AGAP1: variants seen among roughly 807,000 people sequenced by gnomAD.
The protein encoded by AGAP1 is arf-GAP with GTPase, ANK repeat and PH domain-containing protein 1.
AGAP1 carries 29 observed loss-of-function variants against 105.3 expected under a neutral mutation model. That is an observed-to-expected ratio of 0.28 (90% CI 0.21 to 0.38). The LOEUF is 0.38. AGAP1 is among the 10% of genes least tolerant of loss of function. AGAP1 has a pLI of 1.00. For missense variants in AGAP1, 998 were observed against 1,165.1 expected (o/e 0.86, Z 2.09); for synonymous variants, 509 against 485.9 (o/e 1.05, Z -0.63).
At chr2:235,923,645 T>A (rs1239245958) in intron 11 of AGAP1, among the ~76,000 whole-genome samples, 1 of 152,150 alleles carries the variant, frequency 6.6e-6, no homozygotes, top group Non-Finnish European at 1.5e-5. Context: ...GTGTTCTGTG[T>A]GTGATGTCAC....
At chr2:235,839,331 G>A (rs113592642) in intron 9 of AGAP1, among the ~76,000 whole-genome samples, 15 of 152,290 alleles carry the variant, frequency 9.8e-5, no homozygotes, top group South Asian at 2.1e-4. Flanking sequence ...ACATACACAC[G>A]CACACACTCC....
chr2:235,630,428 C>A (rs961656980), intron 1 of AGAP1, among the ~76,000 whole-genome samples: 12 of 152,168 alleles, frequency 7.9e-5, no homozygotes, highest in African/African-American at 2.7e-4. Flanking sequence ...TCAGGCTGGT[C>A]TCGAACTCCT....
chr2:235,650,351 G>T (rs894805980), intron 1 of AGAP1, among the ~76,000 whole-genome samples: 1 of 152,172 alleles, frequency 6.6e-6, no homozygotes, highest in Non-Finnish European at 1.5e-5. Context: ...CACAGAGTGA[G>T]TTCTGGGAGT....
At chr2:236,021,088 C>G (rs574589483) in intron 13 of AGAP1, among the ~76,000 whole-genome samples, 1 of 151,404 alleles carries the variant, frequency 6.6e-6, no homozygotes, top group South Asian at 2.1e-4. Flanking sequence ...ATCTCTTGAA[C>G]CAGGGAGGCA....
At chr2:236,028,443 A>T (rs2057122748) in intron 13 of AGAP1, among the ~76,000 whole-genome samples, 1 of 152,200 alleles carries the variant, frequency 6.6e-6, no homozygotes, top group Admixed American at 6.5e-5. Context: ...CTCATTCACA[A>T]GTCTTTGTAT....
At chr2:235,641,591 C>T (rs1947199273) in intron 1 of AGAP1, among the ~76,000 whole-genome samples, 1 of 152,240 alleles carries the variant, frequency 6.6e-6, no homozygotes, top group Non-Finnish European at 1.5e-5. Flanking sequence ...GGCTGTGCCT[C>T]TCACTCAGAA....
At chr2:236,064,884 C>T (rs2058304004) in intron 16 of AGAP1, among the ~76,000 whole-genome samples, 1 of 152,196 alleles carries the variant, frequency 6.6e-6, no homozygotes, top group African/African-American at 2.4e-5. Flanking sequence ...CAAGAATAAT[C>T]ACCTGTTCTG....
At chr2:235,694,660 A>G (rs577574446) in intron 1 of AGAP1, among the ~76,000 whole-genome samples, 1 of 151,954 alleles carries the variant, frequency 6.6e-6, no homozygotes, top group African/African-American at 2.4e-5. Flanking sequence ...GGAGAAAAAA[A>G]AAAAGAAAAA....
rs1441564680 is a variant in AGAP1, at chr2:236,003,548, A to G, written c.1646-33013A>G. On this transcript the variant is annotated intron_variant, in intron 13 of 17. Coordinates refer to ENST00000304032, the MANE Select transcript of AGAP1 (RefSeq NM_001037131.3). The surrounding 1 kb of genome is among the most constrained non-coding windows in gnomAD (Gnocchi z 4.2). Reference sequence around the variant, plus strand: ...TGGCCCAGAGCCCAGAGTCACCCGCAGCCCCCCTGCGCTGCTGCTGCCCGC... The same window carrying G: ...TGGCCCAGAGCCCAGAGTCACCCGCGGCCCCCCTGCGCTGCTGCTGCCCGC... Among the ~76,000 whole-genome samples the G allele has an allele frequency of 6.6e-6, 1 of 152,192 alleles. No homozygotes were observed. The highest frequency in any genetic ancestry group is 1.5e-5 in the Non-Finnish European group (1 of 68,028).
Position 235,662,167 on chromosome 2 carries a change from G to A in AGAP1, c.164-47012G>A, listed in dbSNP as rs1263659296. ...TCAGCTCCTTTAGGGTGGAGTGGCT[G>A]TAAGGCCGTGACCAGGAAAAAAGGG... On this transcript the variant is annotated intron_variant, in intron 1 of 17. Coordinates refer to ENST00000304032, the MANE Select transcript of AGAP1 (RefSeq NM_001037131.3). This position sits in a 1 kb window ranked among gnomAD's most constrained non-coding sequence, Gnocchi z 4.2. Among the ~76,000 whole-genome samples the A allele has an allele frequency of 2.0e-5, 3 of 152,180 alleles. No homozygotes were observed. The East Asian group carries it at 5.8e-4, about 29-fold the overall frequency.
In AGAP1 at chr2:235,571,932, TTGTG is replaced by T. The variant is rs141898525; in HGVS notation, c.163+77107_163+77110del. On this transcript the variant is annotated intron_variant, in intron 1 of 17. Transcript: ENST00000304032. The stretch of plus-strand genomic sequence containing the variant: ...TCTTTAAAGTTGTCTTGCCCACACT[TTGTG>T]TGTGTGTGTGTGTGTGTGTGTGTAT... Among the ~76,000 whole-genome samples, 312 of 103,650 alleles carry T rather than the reference TTGTG, an allele frequency of 3.0e-3. 2 individuals carry two copies. Among genetic ancestry groups the T allele is most frequent in the South Asian group, 4.7e-3 (11 of 2,360 alleles). The allele number at this position is 103,650 out of a possible 152,430, so 68.0% of individuals were successfully genotyped here. A position where few individuals can be genotyped will look rare whatever the true frequency, so the allele number is the denominator to read the frequency against.
intron 13 of AGAP1, among the ~76,000 whole-genome samples, chr2:236,026,124 C>T (rs1478780938): frequency 1.3e-5 from 2 of 152,228 alleles, no homozygotes; most frequent in East Asian, 1.9e-4. Flanking sequence ...GGCACCTGCA[C>T]CTGCACCTGT....
chr2:235,748,482 A>G (rs1452301490), intron 5 of AGAP1, among the ~76,000 whole-genome samples: 2 of 152,246 alleles, frequency 1.3e-5, no homozygotes, highest in African/African-American at 4.8e-5. Flanking sequence ...ACTAATCAGC[A>G]AGACAAGAAG....
rs1017551849 is a variant in AGAP1 at position 235,751,752 on chromosome 2, T to G, written c.673+1264T>G. On this transcript the variant is annotated intron_variant, in intron 6 of 17. Coordinates refer to ENST00000304032, the MANE Select transcript of AGAP1 (RefSeq NM_001037131.3). The surrounding 1 kb of genome is among the most constrained non-coding windows in gnomAD (Gnocchi z 5.3). ...TCTCTGCCTCTCAGATACTTACCTG[T>G]TTTTCAGCACGTTGGTCCTAGTTAC... Among the ~76,000 whole-genome samples, 1 of 152,142 alleles carries G rather than the reference T, an allele frequency of 6.6e-6. No homozygotes were observed. Among genetic ancestry groups the G allele is most frequent in the African/African-American group, 2.4e-5 (1 of 41,430 alleles).
chr2:235,675,082 G>A (rs927840415), intron 1 of AGAP1, among the ~76,000 whole-genome samples: 2 of 151,758 alleles, frequency 1.3e-5, no homozygotes, highest in African/African-American at 2.4e-5. Context: ...TGAGGACACA[G>A]CAATTAAATG....
chr2:235,795,327 A>C (rs75621760), intron 6 of AGAP1, among the ~76,000 whole-genome samples: 4,264 of 152,298 alleles, frequency 0.028, 167 homozygotes, highest in African/African-American at 0.091. Context: ...TGGGACATCA[A>C]GCAAATAGCA....
rs1346413354 is a variant in AGAP1 at position 236,045,913 on chromosome 2, C to T, written c.1892-3146C>T. 4 of 470,592 alleles carry T rather than the reference C, an allele frequency of 8.5e-6. No individual in the cohort carries two copies. The Admixed American group carries it at 9.4e-5, about 11-fold the overall frequency. The allele number at this position is 470,592 out of a possible 1,614,324, so 29.2% of individuals were successfully genotyped here. On this transcript the variant is annotated intron_variant, in intron 15 of 17. Coordinates refer to ENST00000304032, the MANE Select transcript of AGAP1 (RefSeq NM_001037131.3). The surrounding 1 kb of genome is among the most constrained non-coding windows in gnomAD (Gnocchi z 6.9). ...GCATGGGGCCCTGGAACACTGTGCC[C>T]CCGCCCCCTGCAACATTTTGGGTTT...
chr2:235,671,110 G>A, intron 1 of AGAP1: 1 of 1,244,304 alleles, frequency 8.0e-7, no homozygotes, highest in South Asian at 3.4e-5. Flanking sequence ...GTGGGGACTT[G>A]CCGGTTCCGC....
intron 6 of AGAP1, among the ~76,000 whole-genome samples, chr2:235,796,103 T>C (rs1027781152): frequency 6.6e-5 from 10 of 152,212 alleles, no homozygotes; most frequent in African/African-American, 2.4e-4. Flanking sequence ...TCCAGCTGAA[T>C]AGTAACTCTG....
Sources: gnomAD v4.1 joint callset for allele counts (sites outside exome capture counted in the v4.1 genomes callset) on GRCh38, gnomAD v4.1.1 for gene constraint, Gnocchi (gnomAD v3.1) non-coding constraint, MANE v1.5 for transcripts, NCBI Gene and HGNC (gene_info 2026-07-23, HGNC 2026-07-21) for gene names.